Variants in SEMA3A observed in about 807,000 individuals in gnomAD.
The protein encoded by SEMA3A is semaphorin 3A.
SEMA3A carries 29 observed loss-of-function variants against 97.9 expected under a neutral mutation model. That is an observed-to-expected ratio of 0.30 (90% CI 0.22 to 0.40). SEMA3A has a LOEUF of 0.40. Among genes scored for constraint, SEMA3A ranks in the 10% least tolerant of loss-of-function variants. SEMA3A has a pLI of 1.00. For missense variants in SEMA3A, 763 were observed against 951.3 expected, an observed-to-expected ratio of 0.80 and a Z score of 2.60; for synonymous variants, 321 against 323.7, an observed-to-expected ratio of 0.99 and a Z score of 0.09.
At chr7:83,974,113 A>G (rs183777392) in intron 15 of SEMA3A, among the ~76,000 whole-genome samples, 12 of 152,272 alleles carry the variant, frequency 7.9e-5, no homozygotes, top group African/African-American at 2.4e-4. Flanking sequence ...AGCTTCCTGT[A>G]TGAGGTGTGA....
intron 9 of SEMA3A, among the ~76,000 whole-genome samples, chr7:84,010,454 TG>T (rs1026629117): frequency 3.9e-5 from 6 of 152,158 alleles, no homozygotes; most frequent in Admixed American, 1.3e-4. Context: ...ATAGAGATAC[TG>T]GGAAGAACCA....
intron 1 of SEMA3A, among the ~76,000 whole-genome samples, chr7:84,432,497 T>C (rs1194595531): frequency 2.6e-5 from 4 of 152,142 alleles, no homozygotes; most frequent in Non-Finnish European, 2.9e-5. Flanking sequence ...ACCCAAGTAG[T>C]GAGTGTAATA....
intron 12 of SEMA3A, among the ~76,000 whole-genome samples, chr7:83,994,106 A>G (rs1304174142): frequency 1.3e-5 from 2 of 150,428 alleles, no homozygotes; most frequent in Non-Finnish European, 2.9e-5. Context: ...AGTTGATTGC[A>G]TCGGCTCCTG....
chr7:84,232,925 A>G (rs1799149146), intron 3 of SEMA3A, among the ~76,000 whole-genome samples: 1 of 151,992 alleles, frequency 6.6e-6, no homozygotes, highest in South Asian at 2.1e-4. Context: ...TAGCTTACAT[A>G]GTGTTTGATG....
In SEMA3A at chr7:83,967,615, C is replaced by T. The variant is rs533487253; in HGVS notation, c.1718-4268G>A. 4.6e-5 allele frequency among the ~76,000 whole-genome samples: 7 copies of T among 152,054 alleles called. No homozygotes were observed. The East Asian group carries it at 1.4e-3, about 30-fold the overall frequency. On this transcript the variant is annotated intron_variant, in intron 15 of 16. Transcript: ENST00000265362. ...ACAAAAATACAAAAAATTAGTGGGG[C>T]ATAATGGCGGGTACCTACAATCCCA...
chr7:84,468,192 T>G (rs2116403442), intron 1 of SEMA3A, among the ~76,000 whole-genome samples: 1 of 152,322 alleles, frequency 6.6e-6, no homozygotes, highest in Middle Eastern at 3.4e-3. Flanking sequence ...TGGAACACTC[T>G]CTTCCCCCCA....
At chr7:84,449,894 T>A (rs761310274) in intron 1 of SEMA3A, among the ~76,000 whole-genome samples, 6 of 152,162 alleles carry the variant, frequency 3.9e-5, no homozygotes, top group Non-Finnish European at 8.8e-5. Context: ...TCCATCCACG[T>A]TGTTGAAATG....
chr7:84,097,931 C>T (rs2115883348), intron 4 of SEMA3A, among the ~76,000 whole-genome samples: 1 of 151,996 alleles, frequency 6.6e-6, no homozygotes, highest in Non-Finnish European at 1.5e-5. Flanking sequence ...GCTGGAATTT[C>T]CAAAGATTCA....
chr7:84,007,140 T>C (rs1790699516), intron 10 of SEMA3A, among the ~76,000 whole-genome samples: 1 of 152,206 alleles, frequency 6.6e-6, no homozygotes, highest in African/African-American at 2.4e-5. Flanking sequence ...TTATATCTTA[T>C]ACTGAATTTA....
At chr7:84,262,374 C>T (rs1799879028) in intron 3 of SEMA3A, among the ~76,000 whole-genome samples, 1 of 152,028 alleles carries the variant, frequency 6.6e-6, no homozygotes, top group African/African-American at 2.4e-5. Context: ...GCCACCATGC[C>T]CAGCTGATTT....
In SEMA3A at chr7:84,485,500, T is replaced by A. The variant is rs563949813; in HGVS notation, c.-246+6960A>T. On this transcript the variant is annotated intron_variant, in intron 1 of 3. Transcript: ENST00000424555. The stretch of plus-strand genomic sequence containing the variant: ...AAGCAATTTTCCTGCCTCAGCCTCC[T>A]GAGTAGCTGGGACTACAGGCCCACA... 4.6e-5 allele frequency among the ~76,000 whole-genome samples: 7 copies of A among 152,092 alleles called. No homozygotes were observed. The South Asian group carries it at 1.5e-3, about 32-fold the overall frequency.
At position 84,157,348 on chromosome 7, in the gene SEMA3A, A is replaced by G. The variant is rs575907195; in HGVS notation, c.113-22397T>C. On this transcript the variant is annotated intron_variant, in intron 1 of 16. Transcript: ENST00000265362. ...TTTGAAATACCATACTTCATTGTTGAGAGATGAATAACATCTGTAGGCATC... is the reference window on the plus strand; with the variant it reads ...TTTGAAATACCATACTTCATTGTTGGGAGATGAATAACATCTGTAGGCATC... Among the ~76,000 whole-genome samples, 3 of 152,286 alleles carry G rather than the reference A, an allele frequency of 2.0e-5. No individual in the cohort carries two copies. The East Asian group carries it at 5.8e-4, about 29-fold the overall frequency.
At chr7:84,472,484 T>C (rs1806181049) in intron 1 of SEMA3A, among the ~76,000 whole-genome samples, 2 of 152,220 alleles carry the variant, frequency 1.3e-5, no homozygotes, top group Non-Finnish European at 1.5e-5. Flanking sequence ...ATTTGTATCA[T>C]GAAGCTCCCA....
At chr7:84,199,100 A>G (rs1798298786), upstream of SEMA3A, among the ~76,000 whole-genome samples, 1 of 152,178 alleles carries the variant, frequency 6.6e-6, no homozygotes, top group African/African-American at 2.4e-5. Flanking sequence ...GCTGTTTCCT[A>G]ATTTGTGAGA....
intron 3 of SEMA3A, among the ~76,000 whole-genome samples, chr7:84,303,647 T>G (rs1801081308): frequency 6.6e-6 from 1 of 152,004 alleles, no homozygotes. Context: ...GATGCAGAAG[T>G]GATAGACATT....
rs112157181 is a variant in SEMA3A, at chr7:84,200,393, G to A, written c.-82-5725C>T. On this transcript the variant is annotated intron_variant, in intron 3 of 3. Coordinates refer to the SEMA3A transcript ENST00000424555. ...GACAATTCAGGGAAAGTCTTCTAGC[G>A]GTAAACTGTCTTTTCCCTGAGAGTT... 3.5e-3 allele frequency among the ~76,000 whole-genome samples: 539 copies of A among 152,086 alleles called. 1 individual carries two copies. Among genetic ancestry groups the A allele is most frequent in the African/African-American group, 0.012 (506 of 41,502 alleles).
intron 2 of SEMA3A, among the ~76,000 whole-genome samples, chr7:84,324,992 T>C (rs370205622): frequency 1.7e-4 from 26 of 152,236 alleles, no homozygotes; most frequent in Middle Eastern, 3.4e-3. Context: ...AAAGATACTT[T>C]ATAAAATATG....
Position 84,065,055 on chromosome 7 carries a change from T to A in SEMA3A, c.454-4497A>T, listed in dbSNP as rs1235605368. ...CTCAGCAAATGTAAAAGAACAGAAA[T>A]TATAACAAACTATCTCTCAGACCAC... On this transcript the variant is annotated intron_variant, in intron 4 of 16. Coordinates refer to ENST00000265362, the MANE Select transcript of SEMA3A (RefSeq NM_006080.3). Among the ~76,000 whole-genome samples, 17 of 149,646 alleles carry A rather than the reference T, an allele frequency of 1.1e-4. No individual in the cohort carries two copies. In the East Asian group the frequency reaches 3.3e-3, roughly 29 times the overall value.
intron 1 of SEMA3A, among the ~76,000 whole-genome samples, chr7:84,452,918 T>TG (rs35329413): frequency 0.17 from 26,485 of 152,092 alleles, 2,441 homozygotes; most frequent in Middle Eastern, 0.22. Context: ...GGGCCTTTTT[T>TG]GGGGGGGAAG....
Sources: gnomAD v4.1 joint callset for allele counts (sites outside exome capture counted in the v4.1 genomes callset) on GRCh38, gnomAD v4.1.1 for gene constraint, MANE v1.5 for transcripts, NCBI Gene and HGNC (gene_info 2026-07-23, HGNC 2026-07-21) for gene names.